Variants in CHSY3 observed in about 807,000 individuals in gnomAD.
CHSY3 encodes the protein N-acetylgalactosaminyl-proteoglycan 3-beta-glucuronosyltransferase 3.
A neutral mutation model predicts 67.2 loss-of-function variants in CHSY3; 35 were observed. The ratio of observed to expected loss-of-function variants is 0.52; its 90% CI spans 0.40 to 0.69. The LOEUF is 0.69. Ranked by LOEUF, CHSY3 falls within the 30% of genes least tolerant of loss-of-function variation. The probability of loss-of-function intolerance (pLI) is 0.00; values close to 1 mark genes in which losing one functional copy is unlikely to be tolerated. For synonymous variants in CHSY3, 474 were observed against 434.7 expected, an observed-to-expected ratio of 1.09 and a Z score of -1.12; for missense variants, 1,069 against 1,138.5, an observed-to-expected ratio of 0.94 and a Z score of 0.88.
chr5:129,922,663 C>G (rs1581369271), intron 2 of CHSY3, among the ~76,000 whole-genome samples: 1 of 151,894 alleles, frequency 6.6e-6, no homozygotes, highest in South Asian at 2.1e-4. Context: ...AGGTCTTTTG[C>G]CCATTTCTTA....
chr5:130,082,883 TAC>T (rs909521048), intron 2 of CHSY3, among the ~76,000 whole-genome samples: 6 of 151,386 alleles, frequency 4.0e-5, no homozygotes, highest in African/African-American at 7.3e-5. Context: ...TATATGTATA[TAC>T]ACACACACAC....
intron 2 of CHSY3, among the ~76,000 whole-genome samples, chr5:130,018,853 T>C (rs1432334328): frequency 6.6e-6 from 1 of 152,146 alleles, no homozygotes; most frequent in Non-Finnish European, 1.5e-5. Context: ...TCACCCTTAT[T>C]ACTGGCTCAG....
chr5:130,036,543 G>A (rs570332162), intron 2 of CHSY3, among the ~76,000 whole-genome samples: 1 of 152,070 alleles, frequency 6.6e-6, no homozygotes. Flanking sequence ...AAACTGCAAA[G>A]GTTGCTGGAA....
At chr5:130,121,193 G>T (rs1365086757) in intron 2 of CHSY3, among the ~76,000 whole-genome samples, 1 of 152,118 alleles carries the variant, frequency 6.6e-6, no homozygotes. Flanking sequence ...CTATGATTCT[G>T]GGTACCGATG....
chr5:130,062,390 C>G (rs1487977894), intron 2 of CHSY3, among the ~76,000 whole-genome samples: 1 of 151,986 alleles, frequency 6.6e-6, no homozygotes, highest in African/African-American at 2.4e-5. Context: ...ATACTGGGGA[C>G]TCCAAAAGTG....
intron 2 of CHSY3, chr5:130,141,274 C>T (rs1434466853): frequency 4.5e-6 from 2 of 442,696 alleles, no homozygotes; most frequent in African/African-American, 4.2e-5. Context: ...AAGCATAATC[C>T]CACCATTCCT....
chr5:130,079,148 C>G (rs1373497678), intron 2 of CHSY3, among the ~76,000 whole-genome samples: 1 of 152,020 alleles, frequency 6.6e-6, no homozygotes, highest in Non-Finnish European at 1.5e-5. Flanking sequence ...TCTTGTATGC[C>G]TCAGAGACCT....
intron 2 of CHSY3, among the ~76,000 whole-genome samples, chr5:130,054,321 TA>T (rs1362302822): frequency 2.6e-5 from 4 of 152,194 alleles, no homozygotes; most frequent in Non-Finnish European, 5.9e-5. Flanking sequence ...TAATCATACT[TA>T]ATCTAAATTT....
chr5:130,014,017 G>T (rs1475035728), intron 2 of CHSY3, among the ~76,000 whole-genome samples: 1 of 152,132 alleles, frequency 6.6e-6, no homozygotes, highest in South Asian at 2.1e-4. Context: ...TATCCCTAAA[G>T]CACTGCACAA....
At chr5:130,013,607 G>A (rs1764129404) in intron 2 of CHSY3, among the ~76,000 whole-genome samples, 1 of 152,196 alleles carries the variant, frequency 6.6e-6, no homozygotes, top group Admixed American at 6.5e-5. Flanking sequence ...CTGTACCTTG[G>A]TCCCTTTTAG....
At chr5:130,028,980 G>C (rs1160141783) in intron 2 of CHSY3, among the ~76,000 whole-genome samples, 1 of 151,384 alleles carries the variant, frequency 6.6e-6, no homozygotes, top group African/African-American at 2.4e-5. Context: ...CTCTCTGTCT[G>C]TCCTTCTATC....
At chr5:129,948,693 T>C (rs1202740437) in intron 2 of CHSY3, among the ~76,000 whole-genome samples, 2 of 152,224 alleles carry the variant, frequency 1.3e-5, no homozygotes, top group East Asian at 3.9e-4. Context: ...TTTCTCCCGG[T>C]GGATACCCAG....
intron 2 of CHSY3, among the ~76,000 whole-genome samples, chr5:129,971,201 TTAA>T (rs932782778): frequency 4.6e-5 from 7 of 151,834 alleles, no homozygotes; most frequent in African/African-American, 1.4e-4. Context: ...TATTTTAATT[TTAA>T]TAATAATGTA....
In CHSY3 at chr5:130,170,321, C is replaced by G. The variant is rs114490319; in HGVS notation, c.1087-13908C>G. On this transcript the variant is annotated intron_variant, in intron 2 of 2. Coordinates refer to ENST00000305031, the MANE Select transcript of CHSY3 (RefSeq NM_175856.5). ...TTGCTGCAAAGGACATGATTTCATT[C>G]TTTTTTATAATTGCATAGTATTCCA... is the stretch of plus-strand genomic sequence containing the variant. 9.3e-3 allele frequency among the ~76,000 whole-genome samples: 1,418 copies of G among 152,122 alleles called. 17 individuals are homozygous for G. Among genetic ancestry groups the G allele is most frequent in the African/African-American group, 0.032 (1,316 of 41,514 alleles).
chr5:130,164,453 GA>G (rs1464443972), intron 2 of CHSY3, among the ~76,000 whole-genome samples: 1 of 152,016 alleles, frequency 6.6e-6, no homozygotes, highest in African/African-American at 2.4e-5. Context: ...GTCAGGAGAG[GA>G]AACTATATTT....
intron 2 of CHSY3, among the ~76,000 whole-genome samples, chr5:130,133,773 AAAAAAAAAAAAAAAAAAAAAAAG>A (rs1768562695): frequency 1.3e-5 from 1 of 76,362 alleles, no homozygotes; most frequent in African/African-American, 5.2e-5. Flanking sequence ...CTCCGTCTTA[AAAAAAAAAAAAAAAAAAAAAAAG>A]AAAAAAAAAA....
At chr5:130,033,652 C>T (rs577307079) in intron 2 of CHSY3, among the ~76,000 whole-genome samples, 1 of 152,270 alleles carries the variant, frequency 6.6e-6, no homozygotes, top group Non-Finnish European at 1.5e-5. Context: ...AAACAAACCC[C>T]ACTGATAAAT....
intron 2 of CHSY3, among the ~76,000 whole-genome samples, chr5:130,157,828 G>T (rs2863824): frequency 0.01 from 1,580 of 152,332 alleles, 78 homozygotes; most frequent in Admixed American, 0.068. Context: ...TAAACAAGGG[G>T]TGGATTATTC....
rs112634612 is a variant in CHSY3 at position 130,100,990 on chromosome 5, G to A, written c.1087-83239G>A. Among the ~76,000 whole-genome samples, 37 of 152,236 alleles carry A rather than the reference G, an allele frequency of 2.4e-4. 1 individual carries two copies. The highest frequency in any genetic ancestry group is 6.3e-4 in the African/African-American group (26 of 41,562). On this transcript the variant is annotated intron_variant, in intron 2 of 2. Coordinates refer to ENST00000305031, the MANE Select transcript of CHSY3 (RefSeq NM_175856.5). ...TATAATAAGTTTCTCCAGTTGGGTC[G>A]CCCCAGAGGTATAAATTCTCTCTTT... is the stretch of plus-strand genomic sequence containing the variant.
Sources: allele counts gnomAD v4.1 joint callset (sites outside exome capture counted in the v4.1 genomes callset), GRCh38; gene constraint gnomAD v4.1.1; transcripts MANE v1.5; gene names NCBI Gene and HGNC (gene_info 2026-07-23, HGNC 2026-07-21).